RTL4: variants seen among roughly 807,000 people sequenced by gnomAD.
The protein encoded by RTL4 is retrotransposon Gag-like protein 4.
A neutral mutation model predicts 5.3 loss-of-function variants in RTL4; 4 were observed. The observed-to-expected ratio is 0.75, with a 90% CI of 0.37 to 1.72. The LOEUF (loss-of-function observed/expected upper bound fraction) is 1.72, where lower values mean the gene tolerates loss of function less well. Ranked by LOEUF, RTL4 falls within the 40% of genes most tolerant of loss-of-function variation. The pLI is 0.04. For synonymous variants in RTL4, 98 were observed against 87.3 expected (o/e 1.12, Z -0.68); for missense variants, 260 against 227.1 (o/e 1.14, Z -0.93).
the RTL4 span, among the ~76,000 whole-genome samples, chrX:112,183,787 C>T: frequency 8.9e-6 from 1 of 111,735 alleles, no homozygotes; most frequent in East Asian, 2.8e-4. Flanking sequence ...ACATTCTGCA[C>T]ATGTATCCCA....
chrX:112,271,559 TA>T, the RTL4 span, among the ~76,000 whole-genome samples: 6 of 110,529 alleles, frequency 5.4e-5, no homozygotes, highest in Admixed American at 1.9e-4. Context: ...TCTGAGCAAT[TA>T]AAAAAAAAGA....
chrX:112,114,415 CTT>C, the RTL4 span, among the ~76,000 whole-genome samples: 10 of 111,917 alleles, frequency 8.9e-5, no homozygotes, highest in Non-Finnish European at 1.3e-4. Context: ...AATCCGCATT[CTT>C]TTCATTAAAG....
chrX:112,167,973 G>A, the RTL4 span, among the ~76,000 whole-genome samples: 1 of 110,750 alleles, frequency 9.0e-6, no homozygotes, highest in Non-Finnish European at 1.9e-5. Flanking sequence ...CACTTCATTT[G>A]TATTTGGGTG....
the RTL4 span, among the ~76,000 whole-genome samples, chrX:112,343,769 C>T: frequency 8.9e-6 from 1 of 111,806 alleles, no homozygotes; most frequent in Non-Finnish European, 1.9e-5. Flanking sequence ...GTTTGGAAAA[C>T]ATGGTCAGAA....
At chrX:112,362,431 T>C in the RTL4 span, among the ~76,000 whole-genome samples, 1 of 111,788 alleles carries the variant, frequency 8.9e-6, no homozygotes, top group Non-Finnish European at 1.9e-5. Context: ...TTCCTAACCA[T>C]CCATTTTACA....
chrX:112,366,367 G>A, the RTL4 span, among the ~76,000 whole-genome samples: 1 of 111,461 alleles, frequency 9.0e-6, no homozygotes, highest in Non-Finnish European at 1.9e-5. Flanking sequence ...CCTGACATAT[G>A]CTACACAGAT....
At chrX:112,191,137 C>A in the RTL4 span, among the ~76,000 whole-genome samples, 1 of 111,969 alleles carries the variant, frequency 8.9e-6, no homozygotes, top group South Asian at 3.7e-4. Flanking sequence ...TCAAGCATGG[C>A]CTTCATGCTT....
the RTL4 span, among the ~76,000 whole-genome samples, chrX:112,204,134 C>T: frequency 1.8e-5 from 2 of 112,461 alleles, no homozygotes; most frequent in African/African-American, 6.5e-5. Context: ...GATATCATCT[C>T]GCACCAGTTA....
the RTL4 span, among the ~76,000 whole-genome samples, chrX:112,346,058 A>T: frequency 8.9e-6 from 1 of 112,226 alleles, no homozygotes; most frequent in African/African-American, 3.2e-5. Context: ...ACACACACAT[A>T]CTTGCATAGA....
chrX:112,433,460 T>C, the RTL4 span, among the ~76,000 whole-genome samples: 2 of 62,705 alleles, frequency 3.2e-5, no homozygotes, highest in East Asian at 4.7e-4. Context: ...CCCTTGTAAG[T>C]TGGATTCCTA....
the RTL4 span, among the ~76,000 whole-genome samples, chrX:112,408,436 C>T: frequency 9.6e-6 from 1 of 104,069 alleles, no homozygotes; most frequent in Admixed American, 1.1e-4. Flanking sequence ...AGCGTGGAGA[C>T]AGGCTATTTG....
the RTL4 span, among the ~76,000 whole-genome samples, chrX:112,146,380 T>A: frequency 7.2e-5 from 8 of 111,457 alleles, no homozygotes; most frequent in Non-Finnish European, 1.1e-4. Flanking sequence ...TGATCACATT[T>A]ACTTTGAGAT....
chrX:112,399,977 T>C, the RTL4 span, among the ~76,000 whole-genome samples: 1 of 111,655 alleles, frequency 9.0e-6, no homozygotes, highest in Admixed American at 9.6e-5. Context: ...CTGTCATTTT[T>C]ATAATATCTT....
the RTL4 span, among the ~76,000 whole-genome samples, chrX:112,153,261 C>T: frequency 1.8e-5 from 2 of 111,598 alleles, no homozygotes; most frequent in Non-Finnish European, 3.8e-5. Flanking sequence ...TAAACAGAAA[C>T]CAATCACTGA....
chrX:112,132,725 G>T, the RTL4 span, among the ~76,000 whole-genome samples: 3 of 112,102 alleles, frequency 2.7e-5, no homozygotes, highest in Non-Finnish European at 5.6e-5. Context: ...AGTTGGATAT[G>T]GTTGTCTTCT....
the RTL4 span, among the ~76,000 whole-genome samples, chrX:112,134,275 CT>C: frequency 1.8e-5 from 2 of 112,094 alleles, no homozygotes; most frequent in Admixed American, 1.9e-4. Context: ...AACTCCAGTG[CT>C]TTGTGGAGTG....
At chrX:112,408,735 T>C in the RTL4 span, among the ~76,000 whole-genome samples, 1 of 110,802 alleles carries the variant, frequency 9.0e-6, no homozygotes, top group African/African-American at 3.3e-5. Context: ...CTCCCAAAGG[T>C]AAAAGATAAA....
the RTL4 span, among the ~76,000 whole-genome samples, chrX:112,375,657 C>G: frequency 1.8e-5 from 2 of 111,549 alleles, no homozygotes; most frequent in Non-Finnish European, 3.8e-5. Flanking sequence ...TTTGCTCCAA[C>G]AGTGTGCTGA....
chrX:112,121,518 T>C, the RTL4 span, among the ~76,000 whole-genome samples: 1 of 111,462 alleles, frequency 9.0e-6, no homozygotes, highest in Non-Finnish European at 1.9e-5. Context: ...GATCAGAAGG[T>C]TTAATAATTG....
Sources: allele counts gnomAD v4.1 joint callset (sites outside exome capture counted in the v4.1 genomes callset), GRCh38; gene constraint gnomAD v4.1.1; transcripts MANE v1.5; gene names NCBI Gene and HGNC (gene_info 2026-07-23, HGNC 2026-07-21).